Variants in KCNJ3 observed in about 807,000 individuals in gnomAD.
KCNJ3 encodes G protein-activated inward rectifier potassium channel 1.
KCNJ3 carries 4 observed loss-of-function variants against 39.2 expected under a neutral mutation model. The ratio of observed to expected loss-of-function variants is 0.10; its 90% confidence interval spans 0.05 to 0.23. The LOEUF (loss-of-function observed/expected upper bound fraction) is 0.23, where lower values mean the gene tolerates loss of function less well. Among genes scored for constraint, KCNJ3 ranks in the 10% least tolerant of loss-of-function variants. The pLI is 1.00. For missense variants in KCNJ3, 276 were observed against 634.9 expected (o/e 0.43, Z 6.08); for synonymous variants, 230 against 237.4 (o/e 0.97, Z 0.29).
chr2:154,796,238 T>A (rs1000841272), intron 2 of KCNJ3, among the ~76,000 whole-genome samples: 2 of 152,142 alleles, frequency 1.3e-5, no homozygotes, highest in Non-Finnish European at 2.9e-5. Flanking sequence ...ATTCTAGGAA[T>A]GGCACTGAGA....
At chr2:154,844,078 GT>G (rs1214391479) in intron 2 of KCNJ3, among the ~76,000 whole-genome samples, 4 of 152,172 alleles carry the variant, frequency 2.6e-5, no homozygotes, top group African/African-American at 9.7e-5. Flanking sequence ...CATCTTTGTG[GT>G]TTTATCTGCC....
intron 2 of KCNJ3, among the ~76,000 whole-genome samples, chr2:154,769,308 A>T (rs1365582244): frequency 6.6e-6 from 1 of 152,134 alleles, no homozygotes; most frequent in Non-Finnish European, 1.5e-5. Flanking sequence ...ATTCAGTATG[A>T]TATTGGCTGT....
intron 2 of KCNJ3, among the ~76,000 whole-genome samples, chr2:154,784,839 TC>T (rs1350164486): frequency 6.6e-6 from 1 of 152,250 alleles, no homozygotes; most frequent in East Asian, 1.9e-4. Context: ...TTAGTTAATT[TC>T]TTTGTGTCTG....
intron 2 of KCNJ3, among the ~76,000 whole-genome samples, chr2:154,744,707 T>A (rs1685708127): frequency 6.6e-6 from 1 of 151,876 alleles, no homozygotes. Context: ...TTGCATCTTC[T>A]CTCTTTCTTT....
chr2:154,848,132 C>CAAAT lies in KCNJ3; in HGVS notation c.920-6592_920-6589dup, dbSNP rs1687692005. 2.0e-5 allele frequency among the ~76,000 whole-genome samples: 3 copies of CAAAT among 152,046 alleles called. No homozygotes were observed. The South Asian group carries it at 6.2e-4, about 32-fold the overall frequency. ...CATATACCACCTATATATATTTGTA[C>CAAAT]AAATAATATTAATTTTTAATTCTAT... On this transcript the variant is annotated intron_variant, in intron 2 of 2. Coordinates refer to ENST00000295101, the MANE Select transcript of KCNJ3 (RefSeq NM_002239.4).
intron 2 of KCNJ3, among the ~76,000 whole-genome samples, chr2:154,761,929 C>A (rs933307072): frequency 1.3e-5 from 2 of 152,072 alleles, no homozygotes; most frequent in Admixed American, 6.6e-5. Context: ...AAGTATCATA[C>A]CTAGGTTATC....
intron 2 of KCNJ3, among the ~76,000 whole-genome samples, chr2:154,806,978 T>C (rs1417616494): frequency 6.6e-6 from 1 of 152,066 alleles, no homozygotes; most frequent in East Asian, 1.9e-4. Context: ...TGCATAAGAG[T>C]CTTGCCAGTG....
chr2:154,837,522 G>C (rs1235782518), intron 2 of KCNJ3, among the ~76,000 whole-genome samples: 2 of 152,014 alleles, frequency 1.3e-5, no homozygotes, highest in Admixed American at 1.3e-4. Flanking sequence ...AAGTAGATTG[G>C]TATAGTAATG....
intron 2 of KCNJ3, among the ~76,000 whole-genome samples, chr2:154,853,322 A>G (rs1386384396): frequency 6.6e-6 from 1 of 152,092 alleles, no homozygotes; most frequent in Non-Finnish European, 1.5e-5. Context: ...AAGATTTTGG[A>G]AGGATTCAAA....
intron 2 of KCNJ3, among the ~76,000 whole-genome samples, chr2:154,822,266 T>C (rs1170145105): frequency 1.3e-5 from 2 of 152,154 alleles, no homozygotes; most frequent in Non-Finnish European, 2.9e-5. Context: ...TCTTAATATG[T>C]GGGATTGAAA....
chr2:154,714,923 GA>G, intron 2 of KCNJ3, among the ~76,000 whole-genome samples: 1 of 152,210 alleles, frequency 6.6e-6, no homozygotes, highest in Admixed American at 6.5e-5. Flanking sequence ...AGTGCTTTGG[GA>G]AAAAAATGCA....
intron 2 of KCNJ3, among the ~76,000 whole-genome samples, chr2:154,754,571 G>A (rs925722200): frequency 6.6e-5 from 10 of 152,142 alleles, no homozygotes; most frequent in African/African-American, 9.7e-5. Flanking sequence ...CACCGCACCC[G>A]GCTGTAAACA....
chr2:154,749,142 A>T lies in KCNJ3; in HGVS notation c.919+39323A>T, dbSNP rs183484771. ...CCTATGCAGAAGTGAAGGTGTTCTTATAGAAGCCATTAATTTGTTATAAAT... is the reference window on the plus strand; with the variant it reads ...CCTATGCAGAAGTGAAGGTGTTCTTTTAGAAGCCATTAATTTGTTATAAAT... On this transcript the variant is annotated intron_variant, in intron 2 of 2. Transcript: ENST00000295101. Among the ~76,000 whole-genome samples the T allele has an allele frequency of 3.5e-3, 540 of 152,218 alleles. 3 individuals are homozygous for T. Among genetic ancestry groups the T allele is most frequent in the African/African-American group, 0.013 (526 of 41,560 alleles).
At position 154,760,589 on chromosome 2, in the gene KCNJ3, T is replaced by C. The variant is rs1048413827; in HGVS notation, c.919+50770T>C. On this transcript the variant is annotated intron_variant, in intron 2 of 2. Transcript: ENST00000295101. ...TCTCTTTCTTGACGGAATCTCATTC[T>C]GCCACCCAGCCTGGATTGTAGTGGT... 1.3e-4 allele frequency among the ~76,000 whole-genome samples: 20 copies of C among 152,020 alleles called. 1 individual carries two copies. Among genetic ancestry groups the C allele is most frequent in the Non-Finnish European group, 5.9e-5 (4 of 68,010 alleles).
intron 2 of KCNJ3, among the ~76,000 whole-genome samples, chr2:154,798,188 G>GCA (rs57495585): frequency 0.034 from 3,901 of 114,700 alleles, 69 homozygotes; most frequent in African/African-American, 0.049. Flanking sequence ...TTCGAACACC[G>GCA]CACACACACA....
chr2:154,797,291 T>G (rs1204442334), intron 2 of KCNJ3, among the ~76,000 whole-genome samples: 3 of 152,214 alleles, frequency 2.0e-5, no homozygotes, highest in African/African-American at 7.2e-5. Flanking sequence ...AAAGTTGATA[T>G]GAACCTTAAA....
intron 2 of KCNJ3, among the ~76,000 whole-genome samples, chr2:154,778,446 C>A (rs1033805714): frequency 2.0e-5 from 3 of 152,112 alleles, no homozygotes; most frequent in Non-Finnish European, 4.4e-5. Context: ...ATGGTAATTT[C>A]TGTCTAGTAA....
At chr2:154,742,255 C>G (rs1301447460) in intron 2 of KCNJ3, among the ~76,000 whole-genome samples, 1 of 151,754 alleles carries the variant, frequency 6.6e-6, no homozygotes, top group Admixed American at 6.6e-5. Flanking sequence ...CATTGTATGT[C>G]TATACCACAT....
intron 2 of KCNJ3, among the ~76,000 whole-genome samples, chr2:154,713,497 G>C (rs777331713): frequency 2.4e-4 from 36 of 152,054 alleles, no homozygotes; most frequent in South Asian, 4.2e-4. Flanking sequence ...TGGGGGGAGG[G>C]AAGTGAGAAA....
Sources: allele counts gnomAD v4.1 joint callset (sites outside exome capture counted in the v4.1 genomes callset), GRCh38; gene constraint gnomAD v4.1.1; transcripts MANE v1.5; gene names NCBI Gene and HGNC (gene_info 2026-07-23, HGNC 2026-07-21).